CPNE4: variants seen among roughly 807,000 people sequenced by gnomAD.
CPNE4 encodes copine-4.
Under a neutral mutation model 67.9 loss-of-function variants are expected in CPNE4, and 25 were observed. The ratio of observed to expected loss-of-function variants is 0.37; its 90% CI spans 0.27 to 0.51. The LOEUF (loss-of-function observed/expected upper bound fraction) is 0.51. Ranked by LOEUF, CPNE4 falls within the 20% of genes least tolerant of loss-of-function variation. The pLI is 0.93. For synonymous variants in CPNE4, 242 were observed against 244.9 expected (o/e 0.99, Z 0.11); for missense variants, 464 against 690.8 (o/e 0.67, Z 3.68).
chr3:131,861,091 CAT>C (rs751685561), intron 2 of CPNE4, among the ~76,000 whole-genome samples: 3 of 152,098 alleles, frequency 2.0e-5, no homozygotes, highest in Non-Finnish European at 2.9e-5. Flanking sequence ...CTGAAACATA[CAT>C]ATATATAACC....
chr3:131,746,105 A>G (rs1362619772), intron 2 of CPNE4, among the ~76,000 whole-genome samples: 1 of 152,026 alleles, frequency 6.6e-6, no homozygotes, highest in African/African-American at 2.4e-5. Flanking sequence ...ATGTTTTCTT[A>G]GATTTATGCC....
chr3:131,814,937 A>G (rs947468264), intron 2 of CPNE4, among the ~76,000 whole-genome samples: 6 of 152,184 alleles, frequency 3.9e-5, no homozygotes, highest in Non-Finnish European at 8.8e-5. Context: ...TTCAAATGCC[A>G]TCTCAGAGAG....
chr3:131,557,143 C>A (rs1045719806), intron 11 of CPNE4, among the ~76,000 whole-genome samples: 1 of 152,106 alleles, frequency 6.6e-6, no homozygotes, highest in Non-Finnish European at 1.5e-5. Flanking sequence ...ACAAATAAGA[C>A]CCTCTTTAAT....
In CPNE4 at chr3:131,862,579, T is replaced by C. The variant is rs555753148; in HGVS notation, c.180+42685A>G. ...TTTTGATCCAAACAAATATAAATGG[T>C]TTCCTGAAGGCTTATATAATGCCAT... On this transcript the variant is annotated intron_variant, in intron 2 of 15. Coordinates refer to ENST00000429747, the MANE Select transcript of CPNE4 (RefSeq NM_130808.3). Among the ~76,000 whole-genome samples, 16 of 152,240 alleles carry C rather than the reference T, an allele frequency of 1.1e-4. No individual in the cohort carries two copies. The South Asian group carries it at 3.3e-3, about 32-fold the overall frequency.
intron 2 of CPNE4, 23 bp from the exon 3 acceptor site, chr3:131,723,648 T>C: frequency 6.3e-7 from 1 of 1,592,526 alleles, no homozygotes; most frequent in Non-Finnish European, 8.6e-7. Context: ...AGAGAAAACC[T>C]ATCAGAGATA....
intron 1 of CPNE4, among the ~76,000 whole-genome samples, chr3:131,935,287 C>G (rs1244989952): frequency 2.0e-5 from 3 of 152,002 alleles, no homozygotes; most frequent in Non-Finnish European, 4.4e-5. Context: ...GGTATATTAT[C>G]TGGATAGAAT....
chr3:131,732,704 G>A (rs1396939756), intron 2 of CPNE4, among the ~76,000 whole-genome samples: 1 of 152,120 alleles, frequency 6.6e-6, no homozygotes. Context: ...CACACATCTT[G>A]AAGCGGTCCC....
chr3:132,025,728 G>A (rs1348587235), intron 1 of CPNE4, among the ~76,000 whole-genome samples: 2 of 152,144 alleles, frequency 1.3e-5, no homozygotes, highest in African/African-American at 4.8e-5. Flanking sequence ...CTATAACATA[G>A]ACACAATCAT....
chr3:131,962,006 G>A (rs577765902), intron 1 of CPNE4, among the ~76,000 whole-genome samples: 2 of 152,182 alleles, frequency 1.3e-5, no homozygotes, highest in East Asian at 3.9e-4. Context: ...GGTCATTCAT[G>A]CATTCACCTA....
intron 7 of CPNE4, among the ~76,000 whole-genome samples, chr3:131,652,278 A>G (rs1028893826): frequency 6.6e-6 from 1 of 152,202 alleles, no homozygotes; most frequent in African/African-American, 2.4e-5. Flanking sequence ...TTTAGTTCAT[A>G]TCACCAAGTG....
chr3:132,005,634 T>C (rs2073579249), intron 1 of CPNE4, among the ~76,000 whole-genome samples: 1 of 151,858 alleles, frequency 6.6e-6, no homozygotes, highest in Non-Finnish European at 1.5e-5. Context: ...AAGGAAATTA[T>C]AGTCATTCCC....
At chr3:131,617,658 G>A (rs1309288876) in intron 7 of CPNE4, among the ~76,000 whole-genome samples, 1 of 152,108 alleles carries the variant, frequency 6.6e-6, no homozygotes, top group Admixed American at 6.6e-5. Context: ...CATCCTTAAG[G>A]ACAAAGTCTT....
intron 1 of CPNE4, among the ~76,000 whole-genome samples, chr3:132,010,332 C>G (rs892502234): frequency 6.6e-6 from 1 of 152,160 alleles, no homozygotes; most frequent in African/African-American, 2.4e-5. Context: ...TATGGTCCAA[C>G]AAAGTGGGAG....
chr3:131,803,687 A>G lies in CPNE4; in HGVS notation c.181-80062T>C, dbSNP rs2084212446. ...ACAACTCTCTGCCCTTGTGAAGCTC[A>G]TACCCAAGCTGAGGAGAACATGCTG... On this transcript the variant is annotated intron_variant, in intron 2 of 15. Coordinates refer to ENST00000429747, the MANE Select transcript of CPNE4 (RefSeq NM_130808.3). 3.3e-5 allele frequency among the ~76,000 whole-genome samples: 5 copies of G among 152,238 alleles called. No homozygotes were observed. The South Asian group carries it at 1.0e-3, about 31-fold the overall frequency.
At chr3:131,586,532 A>G (rs564581660) in intron 8 of CPNE4, among the ~76,000 whole-genome samples, 32 of 152,244 alleles carry the variant, frequency 2.1e-4, no homozygotes, top group South Asian at 1.9e-3. Flanking sequence ...TCCATTAGTT[A>G]TTTGTTGAGG....
At chr3:131,988,290 G>A (rs2073101545) in intron 1 of CPNE4, among the ~76,000 whole-genome samples, 1 of 152,194 alleles carries the variant, frequency 6.6e-6, no homozygotes, top group Non-Finnish European at 1.5e-5. Context: ...ATAGGGGCCG[G>A]AGAAAGCAGG....
At chr3:131,801,256 C>T (rs1361452996) in intron 2 of CPNE4, among the ~76,000 whole-genome samples, 1 of 150,452 alleles carries the variant, frequency 6.6e-6, no homozygotes, top group African/African-American at 2.4e-5. Context: ...TGCTGCTTTC[C>T]AGATTGAAAT....
intron 2 of CPNE4, among the ~76,000 whole-genome samples, chr3:131,825,214 C>T (rs1280963045): frequency 1.3e-5 from 2 of 152,044 alleles, no homozygotes; most frequent in Admixed American, 1.3e-4. Context: ...GTGGTAATTT[C>T]TGGCCGGGCG....
intron 10 of CPNE4, among the ~76,000 whole-genome samples, chr3:131,571,426 T>C (rs1369745775): frequency 6.6e-6 from 1 of 152,060 alleles, no homozygotes; most frequent in Non-Finnish European, 1.5e-5. Context: ...CCATCTCCAC[T>C]GGGATACCTG....
Sources: allele counts gnomAD v4.1 joint callset (sites outside exome capture counted in the v4.1 genomes callset), GRCh38; gene constraint gnomAD v4.1.1; transcripts MANE v1.5; gene names NCBI Gene and HGNC (gene_info 2026-07-23, HGNC 2026-07-21).